IGFBP7: variants seen among roughly 807,000 people sequenced by gnomAD.
IGFBP7 encodes the protein insulin like growth factor binding protein 7.
In IGFBP7, 31 loss-of-function variants were observed where a neutral mutation model predicts 29.4. The observed-to-expected ratio is 1.05, with a 90% CI of 0.79 to 1.42. The LOEUF (loss-of-function observed/expected upper bound fraction) is 1.42, where lower values mean the gene tolerates loss of function less well. Among genes scored for constraint, IGFBP7 ranks in the 40% most tolerant of loss-of-function variants. IGFBP7 has a pLI of 0.00. For missense variants in IGFBP7, 393 were observed against 395.5 expected (o/e 0.99, Z 0.05); for synonymous variants, 172 against 174.9 (o/e 0.98, Z 0.13).
chr4:57,083,509 A>G (rs948735469), intron 1 of IGFBP7, among the ~76,000 whole-genome samples: 5 of 152,364 alleles, frequency 3.3e-5, no homozygotes, highest in Non-Finnish European at 4.4e-5. Context: ...ATCAACTTAC[A>G]TGAGCTCTTG....
intron 1 of IGFBP7, among the ~76,000 whole-genome samples, chr4:57,103,452 A>G (rs1174285144): frequency 6.6e-6 from 1 of 152,098 alleles, no homozygotes; most frequent in East Asian, 1.9e-4. Context: ...TGCTCTGGTT[A>G]TCTCCTTTCT....
rs78016429 is a variant in IGFBP7 at position 57,109,196 on chromosome 4, G to A, written c.475+681C>T. ...TATGCCTGTAATCCCAGCAGGCCGG[G>A]ATTACTTGAGCTCAGGAGTTCGAGA... On this transcript the variant is annotated intron_variant, in intron 1 of 4. Transcript: ENST00000295666. 6.5e-3 allele frequency among the ~76,000 whole-genome samples: 992 copies of A among 152,182 alleles called. 8 individuals are homozygous for A. Among genetic ancestry groups the A allele is most frequent in the African/African-American group, 0.023 (955 of 41,508 alleles).
chr4:57,072,016 T>C (rs1725063716), intron 1 of IGFBP7, among the ~76,000 whole-genome samples: 2 of 151,920 alleles, frequency 1.3e-5, no homozygotes, highest in African/African-American at 4.8e-5. Context: ...TTATTTTAGG[T>C]TTGGGGGTAC....
intron 1 of IGFBP7, among the ~76,000 whole-genome samples, chr4:57,090,570 C>T (rs1390082956): frequency 2.0e-5 from 3 of 152,184 alleles, no homozygotes; most frequent in Non-Finnish European, 4.4e-5. Context: ...GGCATGGTGG[C>T]TCACACTTGT....
chr4:57,058,462 A>G (rs1207702425), intron 1 of IGFBP7, among the ~76,000 whole-genome samples: 1 of 152,216 alleles, frequency 6.6e-6, no homozygotes, highest in Non-Finnish European at 1.5e-5. Flanking sequence ...CAACCATCTG[A>G]TCTTCAACAA....
intron 1 of IGFBP7, among the ~76,000 whole-genome samples, chr4:57,050,348 G>A (rs375325049): frequency 1.3e-4 from 19 of 151,244 alleles, no homozygotes; most frequent in African/African-American, 3.6e-4. Flanking sequence ...GGGTTCAAGC[G>A]ATTCTCCTGC....
At chr4:57,062,316 A>C (rs1271548220) in intron 1 of IGFBP7, among the ~76,000 whole-genome samples, 3 of 152,242 alleles carry the variant, frequency 2.0e-5, no homozygotes, top group African/African-American at 7.2e-5. Flanking sequence ...CAAGGAGATT[A>C]GTTATGTCTA....
intron 1 of IGFBP7, among the ~76,000 whole-genome samples, chr4:57,091,389 A>ATG (rs879363549): frequency 5.3e-5 from 8 of 152,160 alleles, no homozygotes; most frequent in African/African-American, 1.4e-4. Context: ...ATGTGGGTAC[A>ATG]TGTGTGTGTG....
At chr4:57,078,144 G>A (rs1205648077) in intron 1 of IGFBP7, among the ~76,000 whole-genome samples, 1 of 151,848 alleles carries the variant, frequency 6.6e-6, no homozygotes, top group African/African-American at 2.4e-5. Context: ...CTGTGGCCAC[G>A]GTAACAAAAT....
At position 57,032,526 on chromosome 4, in the gene IGFBP7, A is replaced by C; in HGVS notation, c.729T>G (p.Ala243=). The change falls in exon 4 of 5, where the codon GCT becomes GCG. Residue 243 remains alanine, a synonymous_variant. Transcript: ENST00000295666. ...TGGATGCATGGCACTCATATTCTCC[A>C]GCATCTTCCTTACTTAGAGGAGATA... ...VLVSPLSKED[A]GEYECHASNS... 1 of 1,614,028 alleles carries C rather than the reference A, an allele frequency of 6.2e-7. No individual in the cohort carries two copies. The highest frequency in any genetic ancestry group is 8.5e-7 in the Non-Finnish European group (1 of 1,179,892).
Position 57,055,660 on chromosome 4 carries a change from G to A in IGFBP7, c.476-14727C>T, listed in dbSNP as rs538020191. 3.4e-5 allele frequency among the ~76,000 whole-genome samples: 5 copies of A among 148,322 alleles called. No homozygotes were observed. In the Admixed American group the frequency reaches 3.4e-4, roughly 10 times the overall value. Reference sequence around the variant, plus strand: ...AGGGTCATCGCGGTTCTCCTGGACTGCTTTCCATTTTCATAAAATAGGGCA... The same window carrying A: ...AGGGTCATCGCGGTTCTCCTGGACTACTTTCCATTTTCATAAAATAGGGCA... On this transcript the variant is annotated intron_variant, in intron 1 of 4. Coordinates refer to ENST00000295666, the MANE Select transcript of IGFBP7 (RefSeq NM_001553.3).
intron 1 of IGFBP7, among the ~76,000 whole-genome samples, chr4:57,092,290 T>C (rs73242645): frequency 0.038 from 5,857 of 152,232 alleles, 164 homozygotes; most frequent in East Asian, 0.11. Context: ...ATTGATCAAA[T>C]TGAACTTAAA....
At chr4:57,032,872 G>T (rs1465764760) in intron 3 of IGFBP7, among the ~76,000 whole-genome samples, 1 of 152,210 alleles carries the variant, frequency 6.6e-6, no homozygotes, top group East Asian at 1.9e-4. Context: ...AATATCCAGG[G>T]TCAAGTAAAA....
intron 2 of IGFBP7, among the ~76,000 whole-genome samples, chr4:57,038,007 C>T (rs907570374): frequency 1.3e-5 from 2 of 152,180 alleles, no homozygotes; most frequent in African/African-American, 2.4e-5. Flanking sequence ...CATAACTGAT[C>T]GGGGTGAAAT....
chr4:57,045,661 G>A (rs1328882840), intron 1 of IGFBP7, among the ~76,000 whole-genome samples: 1 of 151,902 alleles, frequency 6.6e-6, no homozygotes, highest in Non-Finnish European at 1.5e-5. Context: ...TATTTACTAA[G>A]CTCTGATTGG....
intron 1 of IGFBP7, among the ~76,000 whole-genome samples, chr4:57,042,610 A>T (rs991182115): frequency 6.6e-6 from 1 of 152,206 alleles, no homozygotes; most frequent in African/African-American, 2.4e-5. Flanking sequence ...GGCCTCCCAA[A>T]GTGTTGGGAT....
At chr4:57,097,847 A>G (rs1443880917) in intron 1 of IGFBP7, among the ~76,000 whole-genome samples, 1 of 152,092 alleles carries the variant, frequency 6.6e-6, no homozygotes, top group Non-Finnish European at 1.5e-5. Context: ...ACACCAGCCA[A>G]TCTTGGCTTC....
chr4:57,032,905 T>A (rs1376959479), intron 3 of IGFBP7, among the ~76,000 whole-genome samples: 4 of 152,248 alleles, frequency 2.6e-5, no homozygotes, highest in Non-Finnish European at 4.4e-5. Context: ...TAATCGATAA[T>A]CAGTTAAAAC....
intron 1 of IGFBP7, among the ~76,000 whole-genome samples, chr4:57,065,977 G>C (rs1724912949): frequency 6.6e-6 from 1 of 152,114 alleles, no homozygotes; most frequent in Non-Finnish European, 1.5e-5. Flanking sequence ...GCCCCAGCAT[G>C]GACCATAGCT....
Sources: gnomAD v4.1 joint callset for allele counts (sites outside exome capture counted in the v4.1 genomes callset) on GRCh38, gnomAD v4.1.1 for gene constraint, MANE v1.5 for transcripts, NCBI Gene and HGNC (gene_info 2026-07-23, HGNC 2026-07-21) for gene names.